NEMF: variants seen among roughly 807,000 people sequenced by gnomAD.
NEMF encodes the protein nuclear export mediator factor.
Under a neutral mutation model 162.2 loss-of-function variants are expected in NEMF, and 89 were observed. The observed-to-expected ratio is 0.55, with a 90% CI of 0.46 to 0.65. The LOEUF is 0.65. Ranked by LOEUF, NEMF falls within the 30% of genes least tolerant of loss-of-function variation. NEMF has a pLI of 0.00. For synonymous variants in NEMF, 421 were observed against 404.5 expected (o/e 1.04, Z -0.49); for missense variants, 1,133 against 1,261.9 (o/e 0.90, Z 1.55).
At chr14:49,787,672 G>A (rs903225490) in intron 28 of NEMF, among the ~76,000 whole-genome samples, 1 of 152,110 alleles carries the variant, frequency 6.6e-6, no homozygotes, top group African/African-American at 2.4e-5. Flanking sequence ...ATGAATTGTG[G>A]GGGGATATTA....
intron 3 of NEMF, among the ~76,000 whole-genome samples, chr14:49,850,654 TA>T (rs1158542751): frequency 1.4e-5 from 2 of 145,600 alleles, no homozygotes; most frequent in Non-Finnish European, 3.0e-5. Context: ...GTTTTAATAG[TA>T]AAAACAAAAC....
At chr14:49,795,127 G>A (rs1890631848) in intron 26 of NEMF, among the ~76,000 whole-genome samples, 1 of 151,934 alleles carries the variant, frequency 6.6e-6, no homozygotes, top group East Asian at 1.9e-4. Flanking sequence ...TTGAGCCTGG[G>A]AGTTTGAGAC....
rs896324434 is a variant in NEMF, at chr14:49,795,897, G to T, written c.2513C>A (p.Ala838Glu). 5.6e-6 allele frequency: 9 copies of T among 1,611,744 alleles called. No homozygotes were observed. Among genetic ancestry groups the T allele is most frequent in the Non-Finnish European group, 7.6e-6 (9 of 1,178,770 alleles). The change falls in exon 26 of 33, where the codon GCG (alanine) becomes GAG (glutamate). Residue 838 changes from alanine to glutamate, a missense_variant. This residue lies in a region of NEMF where 532 missense variants were observed against 578.6 expected (regional missense o/e 0.92). Transcript: ENST00000298310. ...TTTTTCTTTATCCTTTCCCTCTAAC[G>T]CTTCTAAATCTCCTGAGTCACTTGG... ...KLPSDSGDLE[A>E]LEGKDKEKES...
At chr14:49,850,308 G>C (rs1893710010) in intron 3 of NEMF, among the ~76,000 whole-genome samples, 1 of 152,126 alleles carries the variant, frequency 6.6e-6, no homozygotes, top group South Asian at 2.1e-4. Context: ...GGCTGGCCTT[G>C]AACTTCTGAC....
At chr14:49,844,551 G>C (rs1893374910) in intron 4 of NEMF, among the ~76,000 whole-genome samples, 1 of 152,108 alleles carries the variant, frequency 6.6e-6, no homozygotes, top group Non-Finnish European at 1.5e-5. Context: ...GTGAGTGACA[G>C]TGAGTAAATG....
intron 22 of NEMF, 34 bp from the exon 23 acceptor site, chr14:49,800,730 A>G: frequency 2.5e-6 from 4 of 1,581,082 alleles, no homozygotes; most frequent in South Asian, 2.3e-5. Flanking sequence ...TCAGTGTGGG[A>G]CTACCAACCA....
intron 18 of NEMF, among the ~76,000 whole-genome samples, chr14:49,808,320 C>A (rs538808390): frequency 5.9e-5 from 9 of 152,128 alleles, no homozygotes; most frequent in South Asian, 4.2e-4. Flanking sequence ...TTACAGGCAC[C>A]CGCCATCATA....
chr14:49,802,620 A>G, intron 21 of NEMF, 47 bp from the exon 22 acceptor site: 1 of 1,611,584 alleles, frequency 6.2e-7, no homozygotes, highest in Non-Finnish European at 8.5e-7. Context: ...GACAAGACTA[A>G]TGAAAATCAG....
rs1426377876 is a variant in NEMF at position 49,783,615 on chromosome 14, A to C, written c.*1021T>G. Reference sequence around the variant, plus strand: ...CATTTTCCATTCTGTTAAGAGACAGAGGAAAAGTGGGTTAGAGTCTTTAGT... The same window carrying C: ...CATTTTCCATTCTGTTAAGAGACAGCGGAAAAGTGGGTTAGAGTCTTTAGT... On this transcript the variant is annotated 3_prime_UTR_variant, in exon 33 of 33. Transcript: ENST00000298310. The C allele has an allele frequency of 1.3e-5, 2 of 152,148 alleles. No homozygotes were observed. The highest frequency in any genetic ancestry group is 2.9e-5 in the Non-Finnish European group (2 of 68,030). The allele number at this position is 152,148 out of a possible 1,614,324, so 9.4% of individuals were successfully genotyped here.
chr14:49,839,654 A>G (rs1026436727), intron 5 of NEMF: 1 of 152,222 alleles, frequency 6.6e-6, no homozygotes, highest in Non-Finnish European at 1.5e-5. Context: ...AGAGTAGCTA[A>G]TAAGTCTCCT....
intron 16 of NEMF, among the ~76,000 whole-genome samples, chr14:49,815,177 T>A (rs1891658358): frequency 6.6e-6 from 1 of 152,232 alleles, no homozygotes; most frequent in African/African-American, 2.4e-5. Context: ...TAGGTTTAGC[T>A]TTCTTTTAGT....
At chr14:49,831,049 C>T (rs555223168) in intron 11 of NEMF, among the ~76,000 whole-genome samples, 50 of 152,310 alleles carry the variant, frequency 3.3e-4, no homozygotes, top group Non-Finnish European at 5.3e-4. Flanking sequence ...ACAGGCCTCA[C>T]GTTCCCACCG....
At chr14:49,792,567 A>C (rs1890502985) in intron 26 of NEMF, among the ~76,000 whole-genome samples, 1 of 152,186 alleles carries the variant, frequency 6.6e-6, no homozygotes. Flanking sequence ...AAAGGTCCTA[A>C]ACTTATTTTA....
At chr14:49,828,195 G>T in intron 15 of NEMF, 96 bp downstream of exon 15, 1 of 897,156 alleles carries the variant, frequency 1.1e-6, no homozygotes, top group South Asian at 1.4e-5. Flanking sequence ...AGATACTTCT[G>T]AATTAGAAAA....
chr14:49,795,578 A>G (rs896973706), intron 26 of NEMF, among the ~76,000 whole-genome samples: 2 of 152,192 alleles, frequency 1.3e-5, no homozygotes, highest in Non-Finnish European at 2.9e-5. Flanking sequence ...ATAAAATGAG[A>G]GCTTCTGTGC....
intron 28 of NEMF, 58 bp downstream of exon 28, chr14:49,789,088 A>G (rs1890320613): frequency 1.5e-6 from 2 of 1,356,882 alleles, no homozygotes; most frequent in Admixed American, 3.5e-5. Flanking sequence ...ATGTCCTGGG[A>G]ACTCCAGGAT....
At chr14:49,808,095 A>T (rs1386628425) in intron 18 of NEMF, among the ~76,000 whole-genome samples, 6 of 152,140 alleles carry the variant, frequency 3.9e-5, no homozygotes, top group Middle Eastern at 3.2e-3. Context: ...CATCAGATAT[A>T]TGATTTGCAA....
intron 3 of NEMF, chr14:49,849,767 A>G (rs1232233188): frequency 6.6e-6 from 1 of 152,346 alleles, no homozygotes; most frequent in Middle Eastern, 3.4e-3. Flanking sequence ...AATGAAATAC[A>G]TATTATTCAT....
At chr14:49,799,435 A>G (rs769713778) in intron 25 of NEMF, 40 bp downstream of exon 25, 7 of 1,545,138 alleles carry the variant, frequency 4.5e-6, no homozygotes, top group Non-Finnish European at 5.2e-6. Context: ...AAAAAAAAAG[A>G]AAAACATGCT....
Sources: gnomAD v4.1 joint callset for allele counts (sites outside exome capture counted in the v4.1 genomes callset) on GRCh38, gnomAD v4.1.1 for gene constraint, gnomAD v4.1.1 regional missense constraint, MANE v1.5 for transcripts, NCBI Gene and HGNC (gene_info 2026-07-23, HGNC 2026-07-21) for gene names.